The following SBNO2 variants were observed in gnomAD, a reference collection of about 807,000 sequenced individuals.
SBNO2 encodes protein strawberry notch homolog 2.
Under a neutral mutation model 146.3 loss-of-function variants are expected in SBNO2, and 89 were observed. The observed-to-expected ratio is 0.61, with a 90% confidence interval of 0.51 to 0.73. SBNO2 has a LOEUF of 0.73. Ranked by LOEUF, SBNO2 falls within the 30% of genes least tolerant of loss-of-function variation. The pLI is 0.00. For synonymous variants in SBNO2, 1,147 were observed against 892.6 expected (o/e 1.29, Z -5.08); for missense variants, 2,092 against 2,003.7 (o/e 1.04, Z -0.84).
intron 5 of SBNO2, among the ~76,000 whole-genome samples, chr19:1,125,242 T>G (rs2145233483): frequency 6.7e-6 from 1 of 149,232 alleles, no homozygotes; most frequent in East Asian, 2.0e-4. Context: ...GCCTGTAATC[T>G]CAGCTGATCA....
chr19:1,161,602 T>C (rs2080345947), intron 1 of SBNO2, among the ~76,000 whole-genome samples: 1 of 151,354 alleles, frequency 6.6e-6, no homozygotes, highest in Admixed American at 6.6e-5. Flanking sequence ...CCTTCCTGTC[T>C]CAACACAGCT....
At chr19:1,143,015 C>T (rs2080155229) in intron 4 of SBNO2, among the ~76,000 whole-genome samples, 1 of 152,166 alleles carries the variant, frequency 6.6e-6, no homozygotes, top group East Asian at 1.9e-4. Context: ...TGGGGTTTTA[C>T]ATTCACCCTC....
In SBNO2 at chr19:1,120,260, AAAC is replaced by A. The variant is rs2079884810; in HGVS notation, c.1150-240_1150-238del. 1.3e-5 allele frequency: 7 copies of A among 537,664 alleles called. No homozygotes were observed. In the South Asian group the frequency reaches 1.7e-4, roughly 13 times the overall value. 33.3% of individuals were successfully genotyped at this position (537,664 alleles called of 1,614,324 possible). ...CCTGGGATGGCTCCTCCCAGACTCT[AAAC>A]AACACACACCGAGGATGGGGCCTCC... is the stretch of plus-strand genomic sequence containing the variant. On this transcript the variant is annotated intron_variant, in intron 11 of 31. Coordinates refer to ENST00000361757, the MANE Select transcript of SBNO2 (RefSeq NM_014963.3).
At chr19:1,129,385 C>T (rs772901035) in intron 4 of SBNO2, among the ~76,000 whole-genome samples, 4 of 152,094 alleles carry the variant, frequency 2.6e-5, no homozygotes, top group Non-Finnish European at 5.9e-5. Flanking sequence ...CCCTGTCAGA[C>T]CCAAGCACCT....
In SBNO2 at chr19:1,156,547, C is replaced by T. The variant is rs376014395; in HGVS notation, c.-126-2145G>A. Among the ~76,000 whole-genome samples, 6 of 152,254 alleles carry T rather than the reference C, an allele frequency of 3.9e-5. No homozygotes were observed. The East Asian group carries it at 9.6e-4, about 24-fold the overall frequency. On this transcript the variant is annotated intron_variant, in intron 1 of 31. Coordinates refer to ENST00000361757, the MANE Select transcript of SBNO2 (RefSeq NM_014963.3). ...ATTCCACACCACACAGAAACGTGGC[C>T]ATGCACGTCCACAGCAGCACCACTC... is the stretch of plus-strand genomic sequence containing the variant.
intron 24 of SBNO2, among the ~76,000 whole-genome samples, 159 bp downstream of exon 24, chr19:1,111,347 C>T: frequency 6.6e-6 from 1 of 152,152 alleles, no homozygotes; most frequent in East Asian, 1.9e-4. Context: ...CTGGGGGCCG[C>T]CTTGGCTCCC....
chr19:1,120,674 CTTT>C (rs1242458702), intron 11 of SBNO2, among the ~76,000 whole-genome samples: 1 of 151,058 alleles, frequency 6.6e-6, no homozygotes, highest in Non-Finnish European at 1.5e-5. Flanking sequence ...AGCCCTAATT[CTTT>C]GTTTTTTTTT....
rs185699102 is a variant in SBNO2 at position 1,108,756 on chromosome 19, C to G, written c.3616+23G>C. ...CCGGCGCTGGGGGCTCGGGCCTTCC[C>G]GGGGCGCCCGCCGCCCACTCACCCA... On this transcript the variant is annotated intron_variant, in intron 31 of 31. Transcript: ENST00000361757. 1.8e-3 allele frequency: 2,880 copies of G among 1,594,980 alleles called. 14 individuals carry two copies. The highest frequency in any genetic ancestry group is 0.01 in the African/African-American group (755 of 74,506).
rs1238827183 is a variant in SBNO2 at position 1,108,287 on chromosome 19, C to T, written c.4034G>A (p.Gly1345Asp). ...EGAGAGGAAG[G>D]GPERQSVIQF... ...GATCACGCTCTGCCGCTCGGGACCA[C>T]CGCCCGCCGCGCCCCCCGCCCCCGC... The change falls in exon 32 of 32, where the codon GGT (glycine) becomes GAT (aspartate). Residue 1345 changes from glycine (G) to aspartate (D), a missense_variant. Transcript: ENST00000361757. 6.3e-5 allele frequency: 95 copies of T among 1,501,170 alleles called. No homozygotes were observed. Among genetic ancestry groups the T allele is most frequent in the Non-Finnish European group, 7.6e-5 (85 of 1,122,760 alleles). The allele number at this position is 1,501,170 out of a possible 1,614,324, so 93.0% of individuals were successfully genotyped here.
In SBNO2 at chr19:1,139,254, G is replaced by A. The variant is rs568694890; in HGVS notation, c.279+8055C>T. ...CGCCAGAGGCAGGAGGCCATGCAGC[G>A]TGTGATCCCATTTCTATGAAATGTG... On this transcript the variant is annotated intron_variant, in intron 4 of 31. Coordinates refer to ENST00000361757, the MANE Select transcript of SBNO2 (RefSeq NM_014963.3). Among the ~76,000 whole-genome samples, 100 of 152,284 alleles carry A rather than the reference G, an allele frequency of 6.6e-4. 1 individual carries two copies. Among genetic ancestry groups the A allele is most frequent in the African/African-American group, 2.4e-3 (99 of 41,556 alleles).
intron 11 of SBNO2, among the ~76,000 whole-genome samples, 196 bp downstream of exon 11, chr19:1,121,943 G>A (rs922990733): frequency 2.0e-5 from 3 of 152,122 alleles, no homozygotes; most frequent in Non-Finnish European, 4.4e-5. Context: ...AAAGCTGGGG[G>A]CTGGGTGGCC....
intron 4 of SBNO2, chr19:1,132,181 G>C (rs574782810): frequency 2.3e-5 from 32 of 1,414,086 alleles, no homozygotes; most frequent in Non-Finnish European, 2.9e-5. Context: ...AGCGCTGCCC[G>C]GGAGCGGCTC....
Position 1,112,465 on chromosome 19 carries a change from G to A in SBNO2, c.2452C>T (p.Arg818Trp), listed in dbSNP as rs767457071. The part of the protein sequence containing the change: ...LQADRRVQNQ[R>W]RRVHMTLELP... ...TCCAAGGTCATGTGCACGCGGCGCC[G>A]CTGGTTCTGGACACGGCGGTCGGCT... The change falls in exon 21 of 32, where the codon CGG becomes TGG. Residue 818 changes from arginine to tryptophan, a missense_variant. Coordinates refer to ENST00000361757, the MANE Select transcript of SBNO2 (RefSeq NM_014963.3). This position sits in a 1 kb window ranked among gnomAD's most constrained non-coding sequence, Gnocchi z 5.9. 3.1e-6 allele frequency: 5 copies of A among 1,607,526 alleles called. No homozygotes were observed. The highest frequency in any genetic ancestry group is 1.3e-5 in the African/African-American group (1 of 74,974).
intron 4 of SBNO2, among the ~76,000 whole-genome samples, chr19:1,145,610 C>A (rs919581226): frequency 6.6e-6 from 1 of 152,034 alleles, no homozygotes; most frequent in African/African-American, 2.4e-5. Flanking sequence ...AAGGCAGTGG[C>A]GGTGAGGAAG....
chr19:1,141,094 GACGCGCCCCGGAGAAC>G (rs1047752917), intron 4 of SBNO2, among the ~76,000 whole-genome samples: 2 of 151,616 alleles, frequency 1.3e-5, no homozygotes, highest in African/African-American at 2.4e-5. Context: ...CTCCGGAGAA[GACGCGCCCCGGAGAAC>G]ACGCGCCCCG....
intron 1 of SBNO2, among the ~76,000 whole-genome samples, chr19:1,162,451 C>T (rs966142225): frequency 7.1e-6 from 1 of 141,348 alleles, no homozygotes; most frequent in Non-Finnish European, 1.6e-5. Context: ...AAGAGCGAGA[C>T]TCCGTCTCAA....
chr19:1,156,629 T>C (rs778492166), intron 1 of SBNO2, among the ~76,000 whole-genome samples: 15 of 152,130 alleles, frequency 9.9e-5, no homozygotes, highest in Non-Finnish European at 1.8e-4. Context: ...TGGACCAGCA[T>C]GTGGCGTGGC....
Position 1,112,900 on chromosome 19 carries a change from G to A in SBNO2, c.2297C>T (p.Ala766Val). Residue 766 changes from alanine (A) to valine (V), a missense_variant, in exon 20 of 32, where the codon GCC (alanine) becomes GTC (valine). Transcript: ENST00000361757. This position sits in a 1 kb window ranked among gnomAD's most constrained non-coding sequence, Gnocchi z 5.9. ...ACCCTGCTCTGCCCGCGACTCGAAG[G>A]CCACCGTCCCGTCGGGCCTGGACAC... ...RVVSRPDGTV[A>V]FESRAEQGLS... 1.3e-6 allele frequency: 2 copies of A among 1,571,004 alleles called. No individual in the cohort carries two copies. Among genetic ancestry groups the A allele is most frequent in the South Asian group, 1.2e-5 (1 of 85,626 alleles).
chr19:1,143,497 T>A (rs915540347), intron 4 of SBNO2, among the ~76,000 whole-genome samples: 1 of 152,064 alleles, frequency 6.6e-6, no homozygotes, highest in Non-Finnish European at 1.5e-5. Context: ...AAAAAATATA[T>A]AAATGAAACA....
Sources: gnomAD v4.1 joint callset for allele counts (sites outside exome capture counted in the v4.1 genomes callset) on GRCh38, gnomAD v4.1.1 for gene constraint, Gnocchi (gnomAD v3.1) non-coding constraint, MANE v1.5 for transcripts, NCBI Gene and HGNC (gene_info 2026-07-23, HGNC 2026-07-21) for gene names.